TAF12: variants seen among roughly 807,000 people sequenced by gnomAD.
TAF12 encodes the protein TATA-box binding protein associated factor 12.
A neutral mutation model predicts 20.8 loss-of-function variants in TAF12; 3 were observed. The ratio of observed to expected loss-of-function variants is 0.14; its 90% CI spans 0.07 to 0.37. TAF12 has a LOEUF of 0.37. TAF12 is among the 10% of genes least tolerant of loss of function. The pLI is 1.00. For synonymous variants in TAF12, 69 were observed against 70.2 expected (o/e 0.98, Z 0.09); for missense variants, 131 against 197.9 (o/e 0.66, Z 2.03).
intron 5 of TAF12, among the ~76,000 whole-genome samples, 200 bp from the exon 6 acceptor site, chr1:28,603,774 A>C (rs1481807308): frequency 6.6e-6 from 1 of 152,202 alleles, no homozygotes; most frequent in African/African-American, 2.4e-5. Flanking sequence ...TAGATGGGCT[A>C]GTGGACCCAT....
intron 4 of TAF12, among the ~76,000 whole-genome samples, chr1:28,611,551 GACAGAGAC>G (rs1437009388): frequency 7.0e-6 from 1 of 142,262 alleles, no homozygotes; most frequent in African/African-American, 2.7e-5. Flanking sequence ...GAGACACAGA[GACAGAGAC>G]ACAGAGGGAA....
intron 1 of TAF12, among the ~76,000 whole-genome samples, chr1:28,631,106 T>C (rs1667603047): frequency 6.8e-6 from 1 of 147,716 alleles, no homozygotes; most frequent in African/African-American, 2.5e-5. Flanking sequence ...ATAAATCACA[T>C]ATCCAACAAA....
intron 1 of TAF12, among the ~76,000 whole-genome samples, chr1:28,623,064 CT>C (rs1448561908): frequency 6.6e-6 from 1 of 151,586 alleles, no homozygotes; most frequent in Admixed American, 6.6e-5. Flanking sequence ...ACAAAAAACA[CT>C]TAGCTGGACA....
intron 4 of TAF12, 89 bp from the exon 5 acceptor site, chr1:28,605,549 A>G: frequency 5.7e-6 from 7 of 1,235,438 alleles, no homozygotes; most frequent in Non-Finnish European, 8.1e-6. Context: ...GGGAGGATGA[A>G]TGTGGGCATC....
chr1:28,622,360 G>GAAA (rs1033224931), intron 1 of TAF12, among the ~76,000 whole-genome samples, 195 bp from the exon 2 acceptor site: 12 of 77,998 alleles, frequency 1.5e-4, no homozygotes, highest in African/African-American at 1.9e-4. Context: ...TCTCTACCAA[G>GAAA]AAAAAAAAAA....
At chr1:28,608,189 A>AT (rs1434970830) in intron 4 of TAF12, among the ~76,000 whole-genome samples, 1 of 150,842 alleles carries the variant, frequency 6.6e-6, no homozygotes, top group African/African-American at 2.4e-5. Context: ...AAAAAAAAAA[A>AT]AAAAAAATAG....
intron 1 of TAF12, among the ~76,000 whole-genome samples, chr1:28,629,686 G>C (rs1667554380): frequency 6.6e-6 from 1 of 152,098 alleles, no homozygotes; most frequent in Non-Finnish European, 1.5e-5. Context: ...TGTTGCCCAG[G>C]CTGGAGTGCA....
chr1:28,626,768 G>GAC (rs1449230281), intron 1 of TAF12, among the ~76,000 whole-genome samples: 2 of 151,492 alleles, frequency 1.3e-5, no homozygotes, highest in Admixed American at 6.6e-5. Flanking sequence ...AAATTAGCCA[G>GAC]GTGGGGTGGC....
chr1:28,606,070 C>T (rs1666654795), intron 4 of TAF12, among the ~76,000 whole-genome samples: 1 of 151,982 alleles, frequency 6.6e-6, no homozygotes, highest in African/African-American at 2.4e-5. Flanking sequence ...GCGATCTCGG[C>T]TCACTGAAAC....
intron 4 of TAF12, 148 bp from the exon 5 acceptor site, chr1:28,605,608 C>A: frequency 2.7e-6 from 2 of 729,628 alleles, no homozygotes; most frequent in Non-Finnish European, 4.4e-6. Flanking sequence ...GGAAAATGGA[C>A]ATGGCTTCTC....
At chr1:28,608,011 C>A (rs1570294160) in intron 4 of TAF12, among the ~76,000 whole-genome samples, 1 of 151,862 alleles carries the variant, frequency 6.6e-6, no homozygotes, top group African/African-American at 2.4e-5. Flanking sequence ...ATGGTGAGTG[C>A]CTATAATCCC....
rs535844373 is a variant in TAF12, at chr1:28,612,584, A to G, written c.361+663T>C. Among the ~76,000 whole-genome samples the G allele has an allele frequency of 1.9e-3, 288 of 148,790 alleles. 2 individuals are homozygous for G. Among genetic ancestry groups the G allele is most frequent in the Non-Finnish European group, 3.2e-3 (216 of 67,450 alleles). ...AATATATACATATATATACATATAT[A>G]TAACACATAGTTATAGACTGATCTC... On this transcript the variant is annotated intron_variant, in intron 4 of 5. Coordinates refer to ENST00000373824, the MANE Select transcript of TAF12 (RefSeq NM_005644.4).
At chr1:28,643,499 C>G (rs1668108394), upstream of TAF12, 1 of 152,186 alleles carries the variant, frequency 6.6e-6, no homozygotes, top group South Asian at 2.1e-4. Flanking sequence ...ACAGAGGAAC[C>G]AGGAGATGAG....
chr1:28,603,908 CTTT>C (rs199949896), intron 5 of TAF12, among the ~76,000 whole-genome samples: 2 of 143,660 alleles, frequency 1.4e-5, no homozygotes. Flanking sequence ...TTCTTTCTTT[CTTT>C]TTTTTTTTTT....
intron 1 of TAF12, among the ~76,000 whole-genome samples, chr1:28,638,787 ATTTT>A (rs759099050): frequency 4.9e-5 from 5 of 101,832 alleles, no homozygotes; most frequent in Admixed American, 4.1e-4. Flanking sequence ...CACCTGGCCT[ATTTT>A]TTTTTTTTTT....
chr1:28,623,158 T>C (rs997504468), intron 1 of TAF12, among the ~76,000 whole-genome samples: 7 of 151,928 alleles, frequency 4.6e-5, no homozygotes, highest in Non-Finnish European at 7.4e-5. Flanking sequence ...CAATAAGCCA[T>C]GATCACACCA....
intron 1 of TAF12, among the ~76,000 whole-genome samples, chr1:28,642,270 T>C (rs1668061326): frequency 6.6e-6 from 1 of 152,226 alleles, no homozygotes. Flanking sequence ...TGTCTTCCCC[T>C]GAATACGTCC....
At chr1:28,623,272 A>G (rs1667278676) in intron 1 of TAF12, among the ~76,000 whole-genome samples, 1 of 152,016 alleles carries the variant, frequency 6.6e-6, no homozygotes, top group African/African-American at 2.4e-5. Flanking sequence ...CTGTAATCCC[A>G]GCACTTTGGG....
rs1667813735 is a variant in TAF12 at position 28,636,051 on chromosome 1, TC to T, written c.-85+6940del. Among the ~76,000 whole-genome samples, 3 of 152,290 alleles carry T rather than the reference TC, an allele frequency of 2.0e-5. No individual in the cohort carries two copies. The South Asian group carries it at 6.2e-4, about 32-fold the overall frequency. ...CTTTCCTCTCTGGCTTCTAAATGTA[TC>T]TAAATGAGCTCATATTTCCCAGCCT... On this transcript the variant is annotated intron_variant, in intron 1 of 5. Coordinates refer to ENST00000373824, the MANE Select transcript of TAF12 (RefSeq NM_005644.4).
Sources: gnomAD v4.1 joint callset for allele counts (sites outside exome capture counted in the v4.1 genomes callset) on GRCh38, gnomAD v4.1.1 for gene constraint, MANE v1.5 for transcripts, NCBI Gene and HGNC (gene_info 2026-07-23, HGNC 2026-07-21) for gene names.